Variants in GPR149 observed in about 807,000 individuals in gnomAD.
The protein encoded by GPR149 is G protein-coupled receptor 149, also known as probable G protein-coupled receptor 149.
In GPR149, 50 loss-of-function variants were observed where a neutral mutation model predicts 50.2. That is an observed-to-expected ratio of 1.00 (90% CI 0.79 to 1.26). The LOEUF (loss-of-function observed/expected upper bound fraction) is 1.26. Among genes scored for constraint, GPR149 ranks in the 50% most tolerant of loss-of-function variants. The pLI, the probability that GPR149 is intolerant of heterozygous loss-of-function variation, is 0.00. For synonymous variants in GPR149, 405 were observed against 358.2 expected, an observed-to-expected ratio of 1.13 and a Z score of -1.48; for missense variants, 983 against 895.4, an observed-to-expected ratio of 1.10 and a Z score of -1.25.
rs76694995 is a variant in GPR149 at position 154,367,343 on chromosome 3, C to G, written c.1624-29072G>C. On this transcript the variant is annotated intron_variant, in intron 3 of 3. Coordinates refer to ENST00000389740, the MANE Select transcript of GPR149 (RefSeq NM_001038705.3). ...CTCTCTCCCTCTCTCCCTTCCCCCCCCCGAAACTAAAAGGAATGTTAAAAG... is the reference window on the plus strand; with the variant it reads ...CTCTCTCCCTCTCTCCCTTCCCCCCGCCGAAACTAAAAGGAATGTTAAAAG... Among the ~76,000 whole-genome samples the G allele has an allele frequency of 3.5e-3, 501 of 143,830 alleles. 3 individuals carry two copies. Among genetic ancestry groups the G allele is most frequent in the African/African-American group, 0.011 (434 of 40,500 alleles). The allele number at this position is 143,830 out of a possible 152,430, so 94.4% of individuals were successfully genotyped here.
In GPR149 at chr3:154,425,043, G is replaced by GCAAAA. The variant is rs532538353; in HGVS notation, c.1174+2468_1174+2472dup. Among the ~76,000 whole-genome samples, 871 of 151,838 alleles carry GCAAAA rather than the reference G, an allele frequency of 5.7e-3. 9 individuals carry two copies. The highest frequency in any genetic ancestry group is 0.02 in the African/African-American group (813 of 41,472). ...CCTCTATGTTAAAATCATTTGAGAA[G>GCAAAA]CAAAACAAAACAAAACAAAACAACA... On this transcript the variant is annotated intron_variant, in intron 2 of 3. Coordinates refer to ENST00000389740, the MANE Select transcript of GPR149 (RefSeq NM_001038705.3).
At chr3:154,354,224 C>T (rs1200579970) in intron 3 of GPR149, 7 of 488,398 alleles carry the variant, frequency 1.4e-5, no homozygotes, top group Non-Finnish European at 2.0e-5. Flanking sequence ...ATAATGGTGC[C>T]TTGACTTCCT....
At chr3:154,359,233 T>C (rs1714323806) in intron 3 of GPR149, among the ~76,000 whole-genome samples, 2 of 152,224 alleles carry the variant, frequency 1.3e-5, no homozygotes. Context: ...TATGGCATTA[T>C]ACTCTGGTAG....
Position 154,400,806 on chromosome 3 carries a change from C to T in GPR149, c.1623+20233G>A, listed in dbSNP as rs1214530236. 5.3e-5 allele frequency among the ~76,000 whole-genome samples: 8 copies of T among 152,348 alleles called. No homozygotes were observed. In the East Asian group the frequency reaches 1.5e-3, roughly 29 times the overall value. ...ATTTAAAGCTCAGGCCTGCCTGTTT[C>T]CAAAGCCCGTGCTCTACCTGCAACA... On this transcript the variant is annotated intron_variant, in intron 3 of 3. Transcript: ENST00000389740.
At chr3:154,368,355 G>T (rs1013868907) in intron 3 of GPR149, among the ~76,000 whole-genome samples, 5 of 152,202 alleles carry the variant, frequency 3.3e-5, no homozygotes, top group African/African-American at 1.2e-4. Context: ...CCCTCTTCAT[G>T]GTACCTTCCA....
chr3:154,387,762 C>A (rs933548770), intron 3 of GPR149, among the ~76,000 whole-genome samples: 7 of 152,080 alleles, frequency 4.6e-5, no homozygotes, highest in Non-Finnish European at 1.0e-4. Context: ...TTATATCAAG[C>A]AAGCTCCGGG....
chr3:154,390,414 GTAAA>G (rs1279361132), intron 3 of GPR149, among the ~76,000 whole-genome samples: 1 of 151,754 alleles, frequency 6.6e-6, no homozygotes, highest in Non-Finnish European at 1.5e-5. Flanking sequence ...GAGATGAAGA[GTAAA>G]TAACTGAAAT....
intron 3 of GPR149, among the ~76,000 whole-genome samples, chr3:154,411,431 A>T (rs1448427288): frequency 6.6e-6 from 1 of 152,192 alleles, no homozygotes; most frequent in Non-Finnish European, 1.5e-5. Context: ...GAAAAGATAA[A>T]TAAAATCTGT....
At chr3:154,395,559 C>T (rs1052189259) in intron 3 of GPR149, among the ~76,000 whole-genome samples, 1 of 151,924 alleles carries the variant, frequency 6.6e-6, no homozygotes, top group Admixed American at 6.6e-5. Flanking sequence ...GAGGCCAGGG[C>T]AGGAGGATTG....
intron 3 of GPR149, among the ~76,000 whole-genome samples, chr3:154,365,518 AT>A (rs1714509754): frequency 6.6e-6 from 1 of 152,028 alleles, no homozygotes; most frequent in South Asian, 2.1e-4. Context: ...CCAAGCTGAA[AT>A]TTTTTCAAAT....
chr3:154,407,707 CACACACACACACAT>C (rs937200549), intron 3 of GPR149, among the ~76,000 whole-genome samples: 7 of 151,664 alleles, frequency 4.6e-5, no homozygotes, highest in Admixed American at 6.6e-5. Flanking sequence ...CACACACACA[CACACACACACACAT>C]ATATATATAT....
intron 3 of GPR149, among the ~76,000 whole-genome samples, chr3:154,340,768 C>G (rs1713772152): frequency 6.6e-6 from 1 of 152,222 alleles, no homozygotes; most frequent in African/African-American, 2.4e-5. Flanking sequence ...GTTACCCAGG[C>G]TGGAGCGCAA....
intron 3 of GPR149, among the ~76,000 whole-genome samples, chr3:154,347,676 C>T (rs942196906): frequency 2.0e-5 from 3 of 152,224 alleles, no homozygotes; most frequent in African/African-American, 7.2e-5. Context: ...CATTAACTAA[C>T]TTGCCCAGGT....
At chr3:154,347,810 A>G (rs1235047192) in intron 3 of GPR149, among the ~76,000 whole-genome samples, 2 of 152,198 alleles carry the variant, frequency 1.3e-5, no homozygotes, top group Admixed American at 1.3e-4. Context: ...GGGAGCACCA[A>G]TAGAAGGTTT....
At chr3:154,382,504 G>T (rs1002160988) in intron 3 of GPR149, among the ~76,000 whole-genome samples, 3 of 152,106 alleles carry the variant, frequency 2.0e-5, no homozygotes, top group Non-Finnish European at 2.9e-5. Context: ...ATTCACTAAA[G>T]GGTCAAATGT....
At chr3:154,340,133 G>A (rs749864277) in intron 3 of GPR149, among the ~76,000 whole-genome samples, 1 of 152,096 alleles carries the variant, frequency 6.6e-6, no homozygotes, top group Non-Finnish European at 1.5e-5. Context: ...AAAAAATACA[G>A]TCTGGGCTGT....
At chr3:154,416,661 C>T (rs1438607614) in intron 3 of GPR149, among the ~76,000 whole-genome samples, 1 of 151,808 alleles carries the variant, frequency 6.6e-6, no homozygotes. Context: ...AAACATTTTC[C>T]TTAAAATGAA....
chr3:154,341,087 C>T (rs789295), intron 3 of GPR149, among the ~76,000 whole-genome samples: 67,149 of 151,038 alleles, frequency 0.44, 15,136 homozygotes, highest in East Asian at 0.5. Flanking sequence ...ATATTGAAAA[C>T]TTTCCATCCT....
rs531660881 is a variant in GPR149 at position 154,346,606 on chromosome 3, C to CT, written c.1624-8336dup. ...AAGGTTTTTCTTTTCTTTTCTTTTT[C>CT]TTTTTTTTTTTTGAGATGGAATGTC... On this transcript the variant is annotated intron_variant, in intron 3 of 3. Coordinates refer to ENST00000389740, the MANE Select transcript of GPR149 (RefSeq NM_001038705.3). Among the ~76,000 whole-genome samples, 1,406 of 143,822 alleles carry CT rather than the reference C, an allele frequency of 9.8e-3. 20 individuals are homozygous for CT. The highest frequency in any genetic ancestry group is 0.031 in the African/African-American group (1,229 of 39,164). The allele number at this position is 143,822 out of a possible 152,430, so 94.4% of individuals were successfully genotyped here.
Sources: allele counts gnomAD v4.1 joint callset (sites outside exome capture counted in the v4.1 genomes callset), GRCh38; gene constraint gnomAD v4.1.1; transcripts MANE v1.5; gene names NCBI Gene and HGNC (gene_info 2026-07-23, HGNC 2026-07-21).